The following SP7 variants were observed in gnomAD, a reference collection of about 807,000 sequenced individuals.
SP7 encodes transcription factor Sp7.
A neutral mutation model predicts 27.9 loss-of-function variants in SP7; 13 were observed. The ratio of observed to expected loss-of-function variants is 0.47; its 90% CI spans 0.30 to 0.74. The LOEUF is 0.74. Among genes scored for constraint, SP7 ranks in the 30% least tolerant of loss-of-function variants. The pLI is 0.06. For synonymous variants in SP7, 219 were observed against 226.7 expected, an observed-to-expected ratio of 0.97 and a Z score of 0.31; for missense variants, 525 against 558.0, an observed-to-expected ratio of 0.94 and a Z score of 0.60.
At chr12:53,335,521 C>T in intron 2 of SP7, 105 bp downstream of exon 2, 1 of 732,790 alleles carries the variant, frequency 1.4e-6, no homozygotes, top group Non-Finnish European at 2.5e-6. Flanking sequence ...CTGGAATTGA[C>T]AAGCACCACA....
intron 1 of SP7, among the ~76,000 whole-genome samples, chr12:53,343,451 G>C (rs1356295338): frequency 6.6e-6 from 1 of 152,132 alleles, no homozygotes; most frequent in African/African-American, 2.4e-5. Flanking sequence ...GGCGGTTCTG[G>C]GTAAATCAGG....
chr12:53,339,725 CAAA>C (rs1396632595), upstream of SP7, among the ~76,000 whole-genome samples: 4 of 65,346 alleles, frequency 6.1e-5, no homozygotes, highest in African/African-American at 1.2e-4. Context: ...AACTCCATCT[CAAA>C]AAAAAAAAAA....
chr12:53,334,331 TACACACACACACACACACACAC>T (rs57611228), intron 2 of SP7, among the ~76,000 whole-genome samples: 3 of 139,534 alleles, frequency 2.2e-5, no homozygotes, highest in Admixed American at 7.2e-5. Context: ...TGGCCCAACT[TACACACACACACACACACACAC>T]ACACACACAC....
At chr12:53,330,964 C>A (rs114378262) in intron 2 of SP7, among the ~76,000 whole-genome samples, 1,863 of 152,296 alleles carry the variant, frequency 0.012, 52 homozygotes, top group African/African-American at 0.042. Context: ...AGGCAGTGAG[C>A]ACCTCCTGCT....
At chr12:53,334,874 C>G (rs889633352) in intron 2 of SP7, among the ~76,000 whole-genome samples, 2 of 152,252 alleles carry the variant, frequency 1.3e-5, no homozygotes, top group Non-Finnish European at 2.9e-5. Context: ...GGGGTCCCAG[C>G]CCGGAGGGGA....
In SP7 at chr12:53,335,680, G is replaced by T; in HGVS notation, c.-34C>A. On this transcript the variant is annotated 5_prime_UTR_variant, in exon 2 of 3. Coordinates refer to ENST00000536324, the MANE Select transcript of SP7 (RefSeq NM_001173467.3). ...TGGGGAACGGGTCCCAAGGAGCCAG[G>T]CAGATGGAGAGAGCTGAGCCGGGGG... 1 of 1,354,494 alleles carries T rather than the reference G, an allele frequency of 7.4e-7. No individual in the cohort carries two copies. The allele number at this position is 1,354,494 out of a possible 1,614,324, so 83.9% of individuals were successfully genotyped here. A position where few individuals can be genotyped will look rare whatever the true frequency, so the allele number is the denominator to read the frequency against.
chr12:53,343,277 C>A (rs1236028847), intron 1 of SP7, among the ~76,000 whole-genome samples: 2 of 151,950 alleles, frequency 1.3e-5, no homozygotes, highest in Non-Finnish European at 2.9e-5. Flanking sequence ...TTTTGAGATG[C>A]TGAAAATTGA....
chr12:53,331,355 C>G (rs1171601598), intron 2 of SP7, among the ~76,000 whole-genome samples: 2 of 151,026 alleles, frequency 1.3e-5, no homozygotes, highest in African/African-American at 4.9e-5. Context: ...GCCTGTAATC[C>G]CAGCTATTCG....
At position 53,344,055 on chromosome 12, in the gene SP7, A is replaced by AT. The variant is rs1944843469; in HGVS notation, c.-34+1058_-34+1059insA. On this transcript the variant is annotated intron_variant, in intron 1 of 1. Transcript: ENST00000547755. This position sits in a 1 kb window ranked among gnomAD's most constrained non-coding sequence, Gnocchi z 4.6. ...AGAGCCAGACTCTGTCTCAAGAAAA[A>AT]AAAAAATAAAAAAATAAGTCAATGA... is the stretch of plus-strand genomic sequence containing the variant. 6.6e-6 allele frequency among the ~76,000 whole-genome samples: 1 copy of AT among 151,958 alleles called. No homozygotes were observed.
At chr12:53,339,801 A>T (rs2136852332), upstream of SP7, among the ~76,000 whole-genome samples, 1 of 151,500 alleles carries the variant, frequency 6.6e-6, no homozygotes, top group Admixed American at 6.6e-5. Context: ...AAGGGATGCT[A>T]CTTCCATCGT....
upstream of SP7, among the ~76,000 whole-genome samples, chr12:53,339,998 A>G (rs10783574): frequency 0.89 from 135,912 of 152,116 alleles, 62,721 homozygotes; most frequent in East Asian, 1. Flanking sequence ...ACCTGATGAC[A>G]GACACATTCA....
intron 2 of SP7, among the ~76,000 whole-genome samples, chr12:53,332,722 G>C (rs1025519683): frequency 3.3e-5 from 5 of 152,120 alleles, no homozygotes; most frequent in Middle Eastern, 3.2e-3. Context: ...AGAAAAGAAA[G>C]GAGTGGAAAA....
At chr12:53,339,043 G>A (rs902597342), upstream of SP7, among the ~76,000 whole-genome samples, 1 of 152,122 alleles carries the variant, frequency 6.6e-6, no homozygotes, top group Non-Finnish European at 1.5e-5. Context: ...AGCCTCCCAG[G>A]GGGTGGGGCA....
At position 53,343,571 on chromosome 12, in the gene SP7, G is replaced by T. The variant is rs368639705; in HGVS notation, c.-34+1543C>A. Among the ~76,000 whole-genome samples, 25 of 152,278 alleles carry T rather than the reference G, an allele frequency of 1.6e-4. No individual in the cohort carries two copies. The East Asian group carries it at 1.7e-3, about 11-fold the overall frequency. On this transcript the variant is annotated intron_variant, in intron 1 of 1. Transcript: ENST00000547755. ...GGTAACCTCCCAGGGTTGTTACAAG[G>T]ATTAGCAATAAAAAGTGTTGAGTTC...
chr12:53,335,889 A>G, intron 1 of SP7, 196 bp from the exon 2 acceptor site: 1 of 1,273,520 alleles, frequency 7.9e-7, no homozygotes, highest in Non-Finnish European at 1.0e-6. Flanking sequence ...AGAGGGAGGC[A>G]GAGGGTCCAA....
upstream of SP7, among the ~76,000 whole-genome samples, chr12:53,337,456 G>A (rs953635550): frequency 6.6e-6 from 1 of 152,234 alleles, no homozygotes; most frequent in African/African-American, 2.4e-5. Flanking sequence ...TGGTGACACC[G>A]GCAGCTCTCC....
intron 2 of SP7, among the ~76,000 whole-genome samples, chr12:53,331,896 G>A (rs1449748655): frequency 6.6e-6 from 1 of 152,178 alleles, no homozygotes; most frequent in Non-Finnish European, 1.5e-5. Flanking sequence ...TGGGCCTGGG[G>A]CCCTGGGGTT....
chr12:53,339,694 C>T (rs1039697307), upstream of SP7, among the ~76,000 whole-genome samples: 1 of 146,212 alleles, frequency 6.8e-6, no homozygotes, highest in African/African-American at 2.6e-5. Context: ...CATTGCACTC[C>T]AGCCTGGGCA....
At chr12:53,336,373 G>A (rs1258324385), upstream of SP7, 1 of 156,374 alleles carries the variant, frequency 6.4e-6, no homozygotes, top group Non-Finnish European at 1.4e-5. Flanking sequence ...CTAGGCTGCT[G>A]CCGCCCGCCG....
Sources: allele counts gnomAD v4.1 joint callset (sites outside exome capture counted in the v4.1 genomes callset), GRCh38; gene constraint gnomAD v4.1.1; non-coding constraint Gnocchi (gnomAD v3.1); transcripts MANE v1.5; gene names NCBI Gene and HGNC (gene_info 2026-07-23, HGNC 2026-07-21).